Variants in ACAD11 observed in about 807,000 individuals in gnomAD.
The protein encoded by ACAD11 is acyl-Coenzyme A dehydrogenase family, member 11.
A neutral mutation model predicts 102.2 loss-of-function variants in ACAD11; 83 were observed. The ratio of observed to expected loss-of-function variants is 0.81; its 90% CI spans 0.68 to 0.97. The LOEUF is 0.97. Among genes scored for constraint, ACAD11 ranks in the 50% least tolerant of loss-of-function variants. The probability of loss-of-function intolerance (pLI) is 0.00; values close to 1 mark genes in which losing one functional copy is unlikely to be tolerated. For missense variants in ACAD11, 901 were observed against 951.7 expected, an observed-to-expected ratio of 0.95 and a Z score of 0.70; for synonymous variants, 324 against 319.8, an observed-to-expected ratio of 1.01 and a Z score of -0.14.
chr3:132,619,032 C>A, intron 10 of ACAD11: 1 of 360,222 alleles, frequency 2.8e-6, no homozygotes. Context: ...TACTTGAGAA[C>A]TTCTTCTGGA....
At position 132,630,502 on chromosome 3, in the gene ACAD11, A is replaced by G. The variant is rs2107864602; in HGVS notation, c.898T>C (p.Ser300Pro). 1 of 1,613,146 alleles carries G rather than the reference A, an allele frequency of 6.2e-7. No homozygotes were observed. Among genetic ancestry groups the G allele is most frequent in the Non-Finnish European group, 8.5e-7 (1 of 1,179,416 alleles). The change falls in exon 7 of 20, where the codon TCT becomes CCT. Residue 300 changes from serine to proline, a missense_variant. Physicochemically the swap from Ser to Pro is moderately conservative, Grantham distance 74. Transcript: ENST00000264990. ...SIYCRCRGIN[S>P]ILPNWNFFLA... is the part of the protein sequence containing the mutation. ...AAGAAATTCCAGTTAGGAAGAATAG[A>G]ATTAATTCCCCTGCAGCGGCAATAT...
intron 12 of ACAD11, 58 bp downstream of exon 12, chr3:132,605,040 T>A (rs1171065913): frequency 1.2e-5 from 16 of 1,327,516 alleles, no homozygotes; most frequent in Non-Finnish European, 1.7e-5. Flanking sequence ...CTTCAGCTCA[T>A]CCATAATAAC....
At chr3:132,623,744 A>G (rs555078296) in intron 9 of ACAD11, among the ~76,000 whole-genome samples, 2 of 152,318 alleles carry the variant, frequency 1.3e-5, no homozygotes, top group South Asian at 4.1e-4. Flanking sequence ...AAAGTTCAGC[A>G]GAGTATCACA....
At chr3:132,608,240 C>T (rs1559955002) in intron 11 of ACAD11, among the ~76,000 whole-genome samples, 1 of 152,114 alleles carries the variant, frequency 6.6e-6, no homozygotes, top group Non-Finnish European at 1.5e-5. Flanking sequence ...AACCAGCTAG[C>T]ATCATAATGA....
intron 13 of ACAD11, among the ~76,000 whole-genome samples, chr3:132,598,096 C>A (rs1174446022): frequency 6.6e-6 from 1 of 151,992 alleles, no homozygotes; most frequent in Non-Finnish European, 1.5e-5. Context: ...TAAGTTGGCA[C>A]ACTGTTTTAA....
chr3:132,645,373 C>A lies in ACAD11; in HGVS notation c.150-477G>T, dbSNP rs150987410. Among the ~76,000 whole-genome samples, 310 of 152,288 alleles carry A rather than the reference C, an allele frequency of 2.0e-3. 2 individuals carry two copies. Among genetic ancestry groups the A allele is most frequent in the African/African-American group, 7.1e-3 (295 of 41,556 alleles). ...GCTAGTGCGTGAGTTGAGCTCTCTACAATGGGAGTTCTGAGAAGTGAGGTC... is the reference window on the plus strand; with the variant it reads ...GCTAGTGCGTGAGTTGAGCTCTCTAAAATGGGAGTTCTGAGAAGTGAGGTC... On this transcript the variant is annotated intron_variant, in intron 1 of 19. Transcript: ENST00000264990.
At chr3:132,622,639 A>C (rs1441764215) in intron 9 of ACAD11, among the ~76,000 whole-genome samples, 1 of 152,188 alleles carries the variant, frequency 6.6e-6, no homozygotes, top group African/African-American at 2.4e-5. Flanking sequence ...AGGACTCAAA[A>C]TTAAATAAAA....
chr3:132,622,625 C>T (rs778865605), intron 9 of ACAD11, among the ~76,000 whole-genome samples: 4 of 152,048 alleles, frequency 2.6e-5, no homozygotes, highest in Non-Finnish European at 5.9e-5. Flanking sequence ...ATTTGTGGCA[C>T]GGTAGGACTC....
At chr3:132,633,696 T>C (rs1940147073) in intron 5 of ACAD11, among the ~76,000 whole-genome samples, 1 of 152,126 alleles carries the variant, frequency 6.6e-6, no homozygotes, top group Non-Finnish European at 1.5e-5. Flanking sequence ...ATGGTACTGG[T>C]ACTAAAACAG....
chr3:132,599,249 TG>T (rs1484400395), intron 13 of ACAD11, among the ~76,000 whole-genome samples: 6 of 152,168 alleles, frequency 3.9e-5, no homozygotes, highest in Admixed American at 1.3e-4. Flanking sequence ...GGCTCACGCC[TG>T]TAATCCCAGC....
In ACAD11 at chr3:132,608,999, G is replaced by A. The variant is rs184305876; in HGVS notation, c.1415-3794C>T. Among the ~76,000 whole-genome samples, 555 of 152,140 alleles carry A rather than the reference G, an allele frequency of 3.6e-3. 4 individuals are homozygous for A. The highest frequency in any genetic ancestry group is 2.1e-3 in the Non-Finnish European group (143 of 68,010). On this transcript the variant is annotated intron_variant, in intron 11 of 19. Transcript: ENST00000264990. ...AGGATTAAGAAACTCACTCAAAACCGCACATCTATATGATAACTGAACAAC... is the reference window on the plus strand; with the variant it reads ...AGGATTAAGAAACTCACTCAAAACCACACATCTATATGATAACTGAACAAC...
chr3:132,573,642 T>C (rs73860754), intron 17 of ACAD11, among the ~76,000 whole-genome samples: 105 of 152,316 alleles, frequency 6.9e-4, no homozygotes, highest in African/African-American at 2.5e-3. Flanking sequence ...TTGATGGCTG[T>C]AAAACAGGAT....
chr3:132,605,199 C>T lies in ACAD11; in HGVS notation c.1421G>A (p.Gly474Glu), dbSNP rs758394625. Residue 474 changes from glycine to glutamate, a missense_variant, in exon 12 of 20, where the codon GGG becomes GAG. Transcript: ENST00000264990. ...DVFNCQAPDTGNMEVLHLYGS... is the reference protein window; with the variant it reads ...DVFNCQAPDTENMEVLHLYGS... The stretch of plus-strand genomic sequence containing the variant: ...ATACAGGTGCAGAACCTCCATATTC[C>T]CTGTGTCTACACATAAAGAAGGAGT... 9.3e-6 allele frequency: 15 copies of T among 1,610,028 alleles called. No homozygotes were observed. In the South Asian group the frequency reaches 1.7e-4, roughly 18 times the overall value.
chr3:132,598,592 A>C (rs140834438), intron 13 of ACAD11, among the ~76,000 whole-genome samples: 1 of 152,350 alleles, frequency 6.6e-6, no homozygotes, highest in Non-Finnish European at 1.5e-5. Flanking sequence ...TTGCTAATAC[A>C]TCAGGAAAGT....
rs1939512943 is a variant in ACAD11, at chr3:132,619,020, G to T, written c.1276-248C>A. The T allele has an allele frequency of 8.0e-6, 3 of 375,120 alleles. No homozygotes were observed. The East Asian group carries it at 1.2e-4, about 15-fold the overall frequency. 23.2% of individuals were successfully genotyped at this position (375,120 alleles called of 1,614,324 possible). A position where few individuals can be genotyped will look rare whatever the true frequency, so the allele number is the denominator to read the frequency against. On this transcript the variant is annotated intron_variant, in intron 10 of 19. Transcript: ENST00000264990. ...TGGATTTGGCTGAAAAATTAAGTTT[G>T]CTACTTGAGAACTTCTTCTGGAATC... is the stretch of plus-strand genomic sequence containing the variant.
intron 17 of ACAD11, among the ~76,000 whole-genome samples, chr3:132,569,792 G>A (rs1937326013): frequency 6.6e-6 from 1 of 152,166 alleles, no homozygotes; most frequent in Non-Finnish European, 1.5e-5. Context: ...GTGGTTGCCA[G>A]GAGTTAATGA....
Position 132,634,245 on chromosome 3 carries a change from C to T in ACAD11, c.703-2766G>A, listed in dbSNP as rs821573. ...ACAACCCCATCAACAAGTGGGTGAA[C>T]GATATGAACAGACACTTCTCAAAAG... On this transcript the variant is annotated intron_variant, in intron 5 of 19. Coordinates refer to ENST00000264990, the MANE Select transcript of ACAD11 (RefSeq NM_032169.5). Among the ~76,000 whole-genome samples the T allele has an allele frequency of 7.2e-5, 11 of 152,020 alleles. No homozygotes were observed. In the South Asian group the frequency reaches 1.5e-3, roughly 20 times the overall value.
rs563184110 is a variant in ACAD11 at position 132,574,377 on chromosome 3, T to TGCTGTATACTAAAAACTTGCCTTC, written c.2001+1371_2001+1394dup. ...CAGTGCCCAGCCAACAGCTGAACTT[T>TGCTGTATACTAAAAACTTGCCTTC]GCTGTATACTAAAAACTTGCCTTCG... On this transcript the variant is annotated intron_variant, in intron 17 of 19. Transcript: ENST00000264990. 1.1e-4 allele frequency among the ~76,000 whole-genome samples: 16 copies of TGCTGTATACTAAAAACTTGCCTTC among 152,324 alleles called. No individual in the cohort carries two copies. In the East Asian group the frequency reaches 2.7e-3, roughly 26 times the overall value.
chr3:132,609,638 A>G (rs1381897667), intron 11 of ACAD11, among the ~76,000 whole-genome samples: 1 of 152,222 alleles, frequency 6.6e-6, no homozygotes, highest in African/African-American at 2.4e-5. Context: ...GGCAGTAATT[A>G]ATAGCCCACC....
Sources: gnomAD v4.1 joint callset for allele counts (sites outside exome capture counted in the v4.1 genomes callset) on GRCh38, gnomAD v4.1.1 for gene constraint, MANE v1.5 for transcripts, NCBI Gene and HGNC (gene_info 2026-07-23, HGNC 2026-07-21) for gene names.